TMPRSS11D: variants seen among roughly 807,000 people sequenced by gnomAD.
The protein encoded by TMPRSS11D is transmembrane protease serine 11D.
TMPRSS11D carries 32 observed loss-of-function variants against 44.4 expected under a neutral mutation model. That is an observed-to-expected ratio of 0.72 (90% CI 0.54 to 0.97). TMPRSS11D has a LOEUF of 0.97. Ranked by LOEUF, TMPRSS11D falls within the 50% of genes least tolerant of loss-of-function variation. TMPRSS11D has a pLI of 0.00. For missense variants in TMPRSS11D, 446 were observed against 502.6 expected, an observed-to-expected ratio of 0.89 and a Z score of 1.08; for synonymous variants, 179 against 177.9, an observed-to-expected ratio of 1.01 and a Z score of -0.05.
At chr4:67,852,316 A>T (rs1718528867) in intron 3 of TMPRSS11D, among the ~76,000 whole-genome samples, 1 of 152,078 alleles carries the variant, frequency 6.6e-6, no homozygotes. Context: ...TGAGCACTGA[A>T]AGCTTTGAGT....
chr4:67,836,548 T>C (rs181107265), intron 5 of TMPRSS11D, among the ~76,000 whole-genome samples: 31 of 152,274 alleles, frequency 2.0e-4, no homozygotes, highest in Admixed American at 1.8e-3. Context: ...AAGCTGGCCA[T>C]TCTTAATTTT....
chr4:67,835,856 G>A (rs1162463888), intron 5 of TMPRSS11D, among the ~76,000 whole-genome samples: 4 of 152,070 alleles, frequency 2.6e-5, no homozygotes, highest in African/African-American at 7.2e-5. Context: ...AGTAAGGAGA[G>A]CTAGTGCATG....
intron 1 of TMPRSS11D, among the ~76,000 whole-genome samples, chr4:67,864,896 G>A (rs1250253900): frequency 6.6e-6 from 1 of 151,644 alleles, no homozygotes; most frequent in Non-Finnish European, 1.5e-5. Flanking sequence ...ACACTTAAGA[G>A]ATAGACAGGA....
At chr4:67,867,182 C>A (rs1420467439) in intron 1 of TMPRSS11D, among the ~76,000 whole-genome samples, 1 of 151,922 alleles carries the variant, frequency 6.6e-6, no homozygotes, top group Non-Finnish European at 1.5e-5. Flanking sequence ...AAGCCACTTA[C>A]CTACAGCCAA....
chr4:67,827,042 C>T (rs1201694708), intron 8 of TMPRSS11D, among the ~76,000 whole-genome samples: 1 of 152,024 alleles, frequency 6.6e-6, no homozygotes, highest in Non-Finnish European at 1.5e-5. Context: ...TTTACATTTT[C>T]CTATTACTAT....
chr4:67,876,980 A>T (rs73829936), intron 1 of TMPRSS11D, among the ~76,000 whole-genome samples: 2,579 of 151,160 alleles, frequency 0.017, 69 homozygotes, highest in African/African-American at 0.06. Flanking sequence ...ATAATTCCAT[A>T]CTCTTTTTCT....
chr4:67,845,467 G>A (rs1000913057), intron 3 of TMPRSS11D, among the ~76,000 whole-genome samples: 7 of 152,108 alleles, frequency 4.6e-5, no homozygotes, highest in Admixed American at 1.3e-4. Flanking sequence ...ATCTGTAAAA[G>A]GAAAGTAGTT....
At chr4:67,827,932 G>A (rs1204235738) in intron 7 of TMPRSS11D, among the ~76,000 whole-genome samples, 1 of 151,626 alleles carries the variant, frequency 6.6e-6, no homozygotes, top group Non-Finnish European at 1.5e-5. Context: ...TTTTCCTTTA[G>A]CCAGGAGCTC....
intron 3 of TMPRSS11D, among the ~76,000 whole-genome samples, chr4:67,847,885 C>T (rs1380984884): frequency 1.3e-5 from 2 of 152,122 alleles, no homozygotes; most frequent in Admixed American, 6.5e-5. Flanking sequence ...TGAACTCCAC[C>T]GTGACTGTAA....
At chr4:67,856,657 C>T (rs1259349672) in intron 2 of TMPRSS11D, among the ~76,000 whole-genome samples, 1 of 152,046 alleles carries the variant, frequency 6.6e-6, no homozygotes, top group Non-Finnish European at 1.5e-5. Context: ...TAAAAAGCTT[C>T]TGCACAGCAA....
In TMPRSS11D at chr4:67,827,386, A is replaced by G; in HGVS notation, c.827T>C (p.Val276Ala). ...SATHENDIAL[V>A]RLENSVTFTK... ...AAAGGTGACACTGTTCTCAAGTCTCACAAGTGCAATGTCATTTTCATGAGT... is the reference window on the plus strand; with the variant it reads ...AAAGGTGACACTGTTCTCAAGTCTCGCAAGTGCAATGTCATTTTCATGAGT... Residue 276 changes from valine to alanine, a missense_variant, in exon 8 of 10, where the codon GTG (valine) becomes GCG (alanine). Transcript: ENST00000283916. The G allele has an allele frequency of 6.2e-7, 1 of 1,613,334 alleles. No individual in the cohort carries two copies. Among genetic ancestry groups the G allele is most frequent in the Non-Finnish European group, 8.5e-7 (1 of 1,179,530 alleles).
chr4:67,829,527 G>T (rs898760837), intron 7 of TMPRSS11D, among the ~76,000 whole-genome samples: 1 of 150,928 alleles, frequency 6.6e-6, no homozygotes, highest in East Asian at 1.9e-4. Context: ...AAACTAAAAG[G>T]TAAAAATAGA....
rs552824591 is a variant in TMPRSS11D, at chr4:67,824,584, T to C, written c.1095+1148A>G. 3.9e-5 allele frequency among the ~76,000 whole-genome samples: 6 copies of C among 152,132 alleles called. No homozygotes were observed. The East Asian group carries it at 9.7e-4, about 25-fold the overall frequency. Reference sequence around the variant, plus strand: ...TGGGTAATTAACAGTATCTTGACAATTGAAAAACAAATCTCCACCTACACA... The same window carrying C: ...TGGGTAATTAACAGTATCTTGACAACTGAAAAACAAATCTCCACCTACACA... On this transcript the variant is annotated intron_variant, in intron 9 of 9. Coordinates refer to ENST00000283916, the MANE Select transcript of TMPRSS11D (RefSeq NM_004262.3).
intron 4 of TMPRSS11D, among the ~76,000 whole-genome samples, chr4:67,838,820 A>T (rs1226943602): frequency 6.6e-6 from 1 of 152,078 alleles, no homozygotes; most frequent in African/African-American, 2.4e-5. Flanking sequence ...TGTGAGTTAG[A>T]GACTCAACTT....
At chr4:67,843,858 G>T (rs1718295573) in intron 3 of TMPRSS11D, among the ~76,000 whole-genome samples, 1 of 152,224 alleles carries the variant, frequency 6.6e-6, no homozygotes, top group South Asian at 2.1e-4. Flanking sequence ...GGGAGGTAGA[G>T]GTTGCAGTGA....
rs116785951 is a variant in TMPRSS11D, at chr4:67,821,397, C to A, written c.*940G>T. ...CTTCCCCCTCTTTAAACTTTCAATTCGTTACTTAGATTTAGCGTTTGACGA... is the reference window on the plus strand; with the variant it reads ...CTTCCCCCTCTTTAAACTTTCAATTAGTTACTTAGATTTAGCGTTTGACGA... On this transcript the variant is annotated 3_prime_UTR_variant, in exon 10 of 10. Coordinates refer to ENST00000283916, the MANE Select transcript of TMPRSS11D (RefSeq NM_004262.3). The A allele has an allele frequency of 6.6e-6, 1 of 152,046 alleles. No individual in the cohort carries two copies. Among genetic ancestry groups the A allele is most frequent in the Non-Finnish European group, 1.5e-5 (1 of 68,010 alleles). The allele number at this position is 152,046 out of a possible 1,614,324, so 9.4% of individuals were successfully genotyped here.
At chr4:67,841,044 C>T (rs1188066929) in intron 4 of TMPRSS11D, among the ~76,000 whole-genome samples, 1 of 151,980 alleles carries the variant, frequency 6.6e-6, no homozygotes, top group East Asian at 1.9e-4. Context: ...TGATAAAGTT[C>T]CATGTAAAGC....
chr4:67,827,111 G>A (rs1271831332), intron 8 of TMPRSS11D, 150 bp downstream of exon 8: 3 of 935,836 alleles, frequency 3.2e-6, no homozygotes, highest in Non-Finnish European at 3.0e-6. Context: ...AGACTCAGGG[G>A]TAGCCAGAGC....
rs146688998 is a variant in TMPRSS11D, at chr4:67,843,601, A to G, written c.250-976T>C. ...CTCAGTCTCCTGAGTATCTGGGACT[A>G]TAAGTGTGTACCACTGTGCCTGGCT... On this transcript the variant is annotated intron_variant, in intron 3 of 9. Transcript: ENST00000283916. Among the ~76,000 whole-genome samples the G allele has an allele frequency of 1.5e-3, 227 of 152,340 alleles. 1 individual carries two copies. The highest frequency in any genetic ancestry group is 5.2e-3 in the African/African-American group (217 of 41,586).
Sources: gnomAD v4.1 joint callset for allele counts (sites outside exome capture counted in the v4.1 genomes callset) on GRCh38, gnomAD v4.1.1 for gene constraint, MANE v1.5 for transcripts, NCBI Gene and HGNC (gene_info 2026-07-23, HGNC 2026-07-21) for gene names.